Variants in EPHA4 observed in about 807,000 individuals in gnomAD.
The protein encoded by EPHA4 is EPH receptor A4.
In EPHA4, 19 loss-of-function variants were observed where a neutral mutation model predicts 108.3. That is an observed-to-expected ratio of 0.18 (90% CI 0.12 to 0.26). The LOEUF (loss-of-function observed/expected upper bound fraction) is 0.26, where lower values mean the gene tolerates loss of function less well. Ranked by LOEUF, EPHA4 falls within the 10% of genes least tolerant of loss-of-function variation. EPHA4 has a pLI of 1.00. For missense variants in EPHA4, 917 were observed against 1,254.0 expected, an observed-to-expected ratio of 0.73 and a Z score of 4.06; for synonymous variants, 449 against 455.5, an observed-to-expected ratio of 0.99 and a Z score of 0.18.
Position 221,535,369 on chromosome 2 carries a change from A to G in EPHA4, c.823+28362T>C, listed in dbSNP as rs538225371. Among the ~76,000 whole-genome samples, 3 of 152,354 alleles carry G rather than the reference A, an allele frequency of 2.0e-5. No individual in the cohort carries two copies. In the South Asian group the frequency reaches 6.2e-4, roughly 32 times the overall value. ...ATTTTTGCAACCACTAGGGTTCATC[A>G]TCAGACAGAAAAGCTCAGAAAGCAC... On this transcript the variant is annotated intron_variant, in intron 3 of 17. Coordinates refer to ENST00000281821, the MANE Select transcript of EPHA4 (RefSeq NM_004438.5).
intron 3 of EPHA4, among the ~76,000 whole-genome samples, chr2:221,503,993 T>A (rs1213188026): frequency 6.6e-6 from 1 of 152,244 alleles, no homozygotes; most frequent in Non-Finnish European, 1.5e-5. Flanking sequence ...CACTACTTAC[T>A]AGCATCTGAA....
At chr2:221,515,386 C>T (rs1348520383) in intron 3 of EPHA4, among the ~76,000 whole-genome samples, 1 of 152,204 alleles carries the variant, frequency 6.6e-6, no homozygotes, top group Non-Finnish European at 1.5e-5. Context: ...TGAGCCACCA[C>T]GGCCAGCCAA....
intron 2 of EPHA4, among the ~76,000 whole-genome samples, chr2:221,564,669 G>T (rs974560834): frequency 6.6e-6 from 1 of 151,642 alleles, no homozygotes; most frequent in Non-Finnish European, 1.5e-5. Flanking sequence ...GCAGTTCCTT[G>T]TGGTGGTCCA....
chr2:221,568,381 T>G (rs960297041), intron 2 of EPHA4, among the ~76,000 whole-genome samples: 2 of 152,190 alleles, frequency 1.3e-5, no homozygotes, highest in East Asian at 1.9e-4. Flanking sequence ...TTGTCAGGAC[T>G]TCATGGCCAT....
intron 3 of EPHA4, among the ~76,000 whole-genome samples, chr2:221,534,876 T>G (rs1046257272): frequency 2.8e-4 from 43 of 152,196 alleles, no homozygotes; most frequent in African/African-American, 9.6e-4. Flanking sequence ...CTTGAGCATC[T>G]ACATGATTTA....
rs1209748009 is a variant in EPHA4, at chr2:221,418,904, T to TA, written c.*2467dup. 1 of 152,636 alleles carries TA rather than the reference T, an allele frequency of 6.6e-6. No individual in the cohort carries two copies. Among genetic ancestry groups the TA allele is most frequent in the Non-Finnish European group, 1.5e-5 (1 of 68,040 alleles). 9.5% of individuals were successfully genotyped at this position (152,636 alleles called of 1,614,324 possible). On this transcript the variant is annotated 3_prime_UTR_variant, in exon 18 of 18. Transcript: ENST00000281821. ...GGCATCAATGCATAGGCACATCCCTTAAAAAATATATTAAGGTCCCCAAAA... is the reference window on the plus strand; with the variant it reads ...GGCATCAATGCATAGGCACATCCCTTAAAAAAATATATTAAGGTCCCCAAAA...
intron 3 of EPHA4, among the ~76,000 whole-genome samples, chr2:221,528,824 GC>G (rs1475600979): frequency 6.6e-6 from 1 of 152,020 alleles, no homozygotes; most frequent in Non-Finnish European, 1.5e-5. Flanking sequence ...CACCAAATAG[GC>G]TACATTCCAG....
intron 3 of EPHA4, among the ~76,000 whole-genome samples, chr2:221,525,671 G>T (rs1187327140): frequency 6.6e-6 from 1 of 152,144 alleles, no homozygotes; most frequent in Non-Finnish European, 1.5e-5. Flanking sequence ...ATAATAATAA[G>T]AAACTGCCCA....
At chr2:221,446,290 T>A in intron 8 of EPHA4, 109 bp from the exon 9 acceptor site, 1 of 513,250 alleles carries the variant, frequency 1.9e-6, no homozygotes, top group South Asian at 5.0e-5. Context: ...GTATGCTATG[T>A]ACATTTCAGA....
chr2:221,418,357 A>C lies in EPHA4; in HGVS notation c.*3015T>G, dbSNP rs931851465. On this transcript the variant is annotated 3_prime_UTR_variant, in exon 18 of 18. Transcript: ENST00000281821. Reference sequence around the variant, plus strand: ...AGTCCTTGCATATTCCAACATACTTAGAGTGATACAAAAAATAAACGCACT... The same window carrying C: ...AGTCCTTGCATATTCCAACATACTTCGAGTGATACAAAAAATAAACGCACT... The C allele has an allele frequency of 7.9e-5, 12 of 152,680 alleles. No homozygotes were observed. The highest frequency in any genetic ancestry group is 2.4e-4 in the African/African-American group (10 of 41,470). 9.5% of individuals were successfully genotyped at this position (152,680 alleles called of 1,614,324 possible).
chr2:221,521,981 A>T (rs1693178980), intron 3 of EPHA4, among the ~76,000 whole-genome samples: 2 of 152,136 alleles, frequency 1.3e-5, no homozygotes, highest in South Asian at 4.1e-4. Context: ...CATCTCAATA[A>T]ATTAAAAACA....
intron 4 of EPHA4, among the ~76,000 whole-genome samples, chr2:221,497,391 T>C (rs1415111134): frequency 6.6e-6 from 1 of 152,160 alleles, no homozygotes; most frequent in Non-Finnish European, 1.5e-5. Context: ...AGCACTTTGT[T>C]TCCTCTTAAC....
At chr2:221,430,534 G>C (rs1158911431) in intron 14 of EPHA4, among the ~76,000 whole-genome samples, 1 of 151,172 alleles carries the variant, frequency 6.6e-6, no homozygotes, top group African/African-American at 2.4e-5. Flanking sequence ...CTTCGCAAAA[G>C]AGACTCTGAC....
In EPHA4 at chr2:221,517,787, C is replaced by T. The variant is rs559531238; in HGVS notation, c.824-16615G>A. 7.2e-5 allele frequency among the ~76,000 whole-genome samples: 11 copies of T among 152,322 alleles called. No individual in the cohort carries two copies. In the East Asian group the frequency reaches 2.1e-3, roughly 29 times the overall value. ...CACTTCCCAGCTCAAGAATGCCACCCGCATGTGCTATCACAACAGCTTTGA... is the reference window on the plus strand; with the variant it reads ...CACTTCCCAGCTCAAGAATGCCACCTGCATGTGCTATCACAACAGCTTTGA... On this transcript the variant is annotated intron_variant, in intron 3 of 17. Transcript: ENST00000281821.
chr2:221,436,512 G>A lies in EPHA4; in HGVS notation c.2233C>T (p.Arg745Cys). 6 of 1,614,090 alleles carry A rather than the reference G, an allele frequency of 3.7e-6. No homozygotes were observed. Among genetic ancestry groups the A allele is most frequent in the African/African-American group, 1.3e-5 (1 of 75,006 alleles). Residue 745 changes from arginine to cysteine, a missense_variant, in exon 13 of 18, where the codon CGT becomes TGT. Arg to Cys is a radical substitution (Grantham distance 180). Coordinates refer to ENST00000281821, the MANE Select transcript of EPHA4 (RefSeq NM_004438.5). ...AGGATGTTCCGTGCGGCCAGATCACGATGCACATAGCTCATATCAGATAAA... is the reference window on the plus strand; with the variant it reads ...AGGATGTTCCGTGCGGCCAGATCACAATGCACATAGCTCATATCAGATAAA... ...KYLSDMSYVH[R>C]DLAARNILVN...
chr2:221,465,832 C>G (rs1458209256), intron 5 of EPHA4, among the ~76,000 whole-genome samples: 2 of 152,174 alleles, frequency 1.3e-5, no homozygotes, highest in Non-Finnish European at 2.9e-5. Flanking sequence ...ATTGAACTGG[C>G]ATTTGGGGTT....
rs369490044 is a variant in EPHA4 at position 221,520,626 on chromosome 2, A to G, written c.824-19454T>C. ...TGCCTATTATCTTATCTTAAATATA[A>G]TAGATGTATCTTTAGGAAGCAGAAG... is the stretch of plus-strand genomic sequence containing the variant. On this transcript the variant is annotated intron_variant, in intron 3 of 17. Transcript: ENST00000281821. Among the ~76,000 whole-genome samples, 30 of 152,170 alleles carry G rather than the reference A, an allele frequency of 2.0e-4. No individual in the cohort carries two copies. In the South Asian group the frequency reaches 5.8e-3, roughly 30 times the overall value.
In EPHA4 at chr2:221,426,525, T is replaced by C; in HGVS notation, c.2785A>G (p.Lys929Glu). Residue 929 changes from lysine to glutamate, a missense_variant, in exon 16 of 18, where the codon AAG becomes GAG. This residue lies in a region of EPHA4 where 133 missense variants were observed against 132.8 expected (regional missense o/e 1.00). Transcript: ENST00000281821. Reference sequence around the variant, plus strand: ...TAACCAGCAGCTGTGAAGTTATCCTTATACCGGTCCATTTTAATGGCCTGG... The same window carrying C: ...TAACCAGCAGCTGTGAAGTTATCCTCATACCGGTCCATTTTAATGGCCTGG... ...WLQAIKMDRY[K>E]DNFTAAGYTT... is the part of the protein sequence containing the mutation. The C allele has an allele frequency of 6.2e-7, 1 of 1,614,146 alleles. No individual in the cohort carries two copies. Among genetic ancestry groups the C allele is most frequent in the Non-Finnish European group, 8.5e-7 (1 of 1,180,020 alleles).
At chr2:221,514,966 T>C (rs1559274721) in intron 3 of EPHA4, among the ~76,000 whole-genome samples, 1 of 152,054 alleles carries the variant, frequency 6.6e-6, no homozygotes, top group Non-Finnish European at 1.5e-5. Context: ...CAACCTAAAT[T>C]TATCTCAGAT....
Sources: allele counts gnomAD v4.1 joint callset (sites outside exome capture counted in the v4.1 genomes callset), GRCh38; gene constraint gnomAD v4.1.1; regional missense constraint gnomAD v4.1.1; transcripts MANE v1.5; gene names NCBI Gene and HGNC (gene_info 2026-07-23, HGNC 2026-07-21).